TTC1: variants seen among roughly 807,000 people sequenced by gnomAD.
TTC1 encodes tetratricopeptide repeat protein 1.
TTC1 carries 31 observed loss-of-function variants against 37.6 expected under a neutral mutation model. The ratio of observed to expected loss-of-function variants is 0.82; its 90% confidence interval spans 0.62 to 1.11. The LOEUF is 1.11. TTC1 is among the 50% of genes most tolerant of loss of function. TTC1 has a pLI of 0.00. For synonymous variants in TTC1, 127 were observed against 122.4 expected (o/e 1.04, Z -0.25); for missense variants, 351 against 339.0 (o/e 1.04, Z -0.28).
chr5:160,017,180 A>G (rs896287234), intron 2 of TTC1, among the ~76,000 whole-genome samples: 2 of 152,256 alleles, frequency 1.3e-5, no homozygotes, highest in African/African-American at 4.8e-5. Flanking sequence ...GCAGCAGAAG[A>G]GAATTGCAAT....
intron 2 of TTC1, 83 bp from the exon 3 acceptor site, chr5:160,035,057 G>A (rs1179297090): frequency 8.3e-7 from 1 of 1,206,830 alleles, no homozygotes; most frequent in Non-Finnish European, 1.1e-6. Flanking sequence ...CTATTAAATA[G>A]ACTTGTGCAT....
chr5:160,055,557 C>T (rs1757522167), intron 7 of TTC1, among the ~76,000 whole-genome samples: 1 of 152,238 alleles, frequency 6.6e-6, no homozygotes, highest in Non-Finnish European at 1.5e-5. Flanking sequence ...GAGAACCTGC[C>T]AAAACCATGC....
intron 5 of TTC1, among the ~76,000 whole-genome samples, chr5:160,045,520 ACT>A (rs749296749): frequency 0.093 from 5,080 of 54,582 alleles, 252 homozygotes; most frequent in Non-Finnish European, 0.11. Context: ...ACACATACAC[ACT>A]CTCTCTCTCT....
intron 2 of TTC1, among the ~76,000 whole-genome samples, chr5:160,032,266 T>C (rs866722698): frequency 6.6e-6 from 1 of 152,206 alleles, no homozygotes; most frequent in South Asian, 2.1e-4. Context: ...GATCAGAAAA[T>C]AGCTTAAGAT....
intron 2 of TTC1, among the ~76,000 whole-genome samples, chr5:160,020,623 C>T (rs191737332): frequency 1.6e-4 from 24 of 152,314 alleles, no homozygotes; most frequent in African/African-American, 5.8e-4. Context: ...CACCTCATGT[C>T]ATATCCATGG....
Position 160,036,823 on chromosome 5 carries a change from T to C in TTC1, c.504+20T>C. 6.4e-7 allele frequency: 1 copy of C among 1,566,992 alleles called. No individual in the cohort carries two copies. Among genetic ancestry groups the C allele is most frequent in the East Asian group, 2.2e-5 (1 of 44,610 alleles). On this transcript the variant is annotated intron_variant, in intron 4 of 7. Transcript: ENST00000231238. ...AAACAGGTATGTATCTGTGACCTTT[T>C]CTTTTTAAAAAGCACATGGACTTGC... is the stretch of plus-strand genomic sequence containing the variant.
chr5:160,031,557 T>C (rs1756909503), intron 2 of TTC1, among the ~76,000 whole-genome samples: 1 of 152,106 alleles, frequency 6.6e-6, no homozygotes, highest in Non-Finnish European at 1.5e-5. Context: ...GAGGTTGCAG[T>C]GAGCCAAGAT....
chr5:160,023,758 C>A (rs1049773108), intron 2 of TTC1: 1 of 1,612,794 alleles, frequency 6.2e-7, no homozygotes, highest in African/African-American at 1.3e-5. Context: ...TCTTTTTCTT[C>A]TTCTTTGCTG....
intron 5 of TTC1, among the ~76,000 whole-genome samples, chr5:160,045,546 T>TCTCTCTCTCC (rs1554096645): frequency 7.8e-6 from 1 of 128,218 alleles, no homozygotes; most frequent in African/African-American, 3.2e-5. Flanking sequence ...TCTCTCTCTC[T>TCTCTCTCTCC]CTCTCTCCCC....
chr5:160,027,488 T>C lies in TTC1; in HGVS notation c.331-7652T>C, dbSNP rs562088832. Among the ~76,000 whole-genome samples the C allele has an allele frequency of 1.1e-3, 162 of 152,362 alleles. 1 individual carries two copies. The highest frequency in any genetic ancestry group is 1.9e-3 in the Non-Finnish European group (127 of 68,038). Reference sequence around the variant, plus strand: ...AACCACTGAGTGTCATAATTACAGCTTTTTATAATCTTTTGTCTTTTAAAG... The same window carrying C: ...AACCACTGAGTGTCATAATTACAGCCTTTTATAATCTTTTGTCTTTTAAAG... On this transcript the variant is annotated intron_variant, in intron 2 of 7. Transcript: ENST00000231238.
chr5:160,037,834 A>G (rs1357268469), intron 4 of TTC1, among the ~76,000 whole-genome samples: 1 of 151,836 alleles, frequency 6.6e-6, no homozygotes, highest in African/African-American at 2.4e-5. Context: ...ACTTACATCC[A>G]AAGTACAAAG....
At chr5:160,040,503 A>T (rs1327856677) in intron 4 of TTC1, among the ~76,000 whole-genome samples, 1 of 152,050 alleles carries the variant, frequency 6.6e-6, no homozygotes, top group Non-Finnish European at 1.5e-5. Context: ...AAACTTTTAA[A>T]TTTTTTTAAA....
chr5:160,039,324 A>G (rs569091644), intron 4 of TTC1: 2 of 147,118 alleles, frequency 1.4e-5, no homozygotes, highest in African/African-American at 5.0e-5. Context: ...TATTATATAC[A>G]TTGTTTTATA....
At chr5:160,036,247 G>T (rs1756996801) in intron 3 of TTC1, among the ~76,000 whole-genome samples, 1 of 152,170 alleles carries the variant, frequency 6.6e-6, no homozygotes, top group Non-Finnish European at 1.5e-5. Flanking sequence ...TTGACTGTAT[G>T]AAAGCACAAC....
intron 2 of TTC1, among the ~76,000 whole-genome samples, chr5:160,011,806 T>G (rs1276826788): frequency 6.6e-6 from 1 of 152,166 alleles, no homozygotes; most frequent in East Asian, 1.9e-4. Context: ...TGAACTAGAT[T>G]GTAGTTTATG....
Position 160,036,742 on chromosome 5 carries a change from C to G in TTC1, c.443C>G (p.Ser148Cys), listed in dbSNP as rs148890967. Residue 148 changes from serine (S) to cysteine (C), a missense_variant, in exon 4 of 8, where the codon TCC becomes TGC. By Grantham distance (112) the Ser-to-Cys change is moderately radical. Coordinates refer to ENST00000231238, the MANE Select transcript of TTC1 (RefSeq NM_003314.3). ...AGTCGAGCCCTCGAAATGTGCCCAT[C>G]CTGCTTCCAAAAGGAGAGGTCGATT... ...SYSRALEMCP[S>C]CFQKERSILF... is the part of the protein sequence containing the mutation. The G allele has an allele frequency of 1.4e-5, 23 of 1,613,932 alleles. No individual in the cohort carries two copies. In the South Asian group the frequency reaches 2.3e-4, roughly 16 times the overall value.
At chr5:160,016,025 TC>T (rs1389770750) in intron 2 of TTC1, among the ~76,000 whole-genome samples, 6 of 152,216 alleles carry the variant, frequency 3.9e-5, no homozygotes, top group African/African-American at 1.4e-4. Flanking sequence ...AATGTGTTCT[TC>T]CCAGAGTATT....
intron 1 of TTC1, among the ~76,000 whole-genome samples, chr5:160,010,177 G>A (rs1033530842): frequency 2.7e-5 from 4 of 147,640 alleles, no homozygotes; most frequent in African/African-American, 1.0e-4. Flanking sequence ...AGAATCGCTT[G>A]AACCCGGACG....
chr5:160,046,294 C>T lies in TTC1; in HGVS notation c.541+3125C>T, dbSNP rs573501935. On this transcript the variant is annotated intron_variant, in intron 5 of 7. Coordinates refer to ENST00000231238, the MANE Select transcript of TTC1 (RefSeq NM_003314.3). ...TCGTTGCTTCTCTAGCCTAACTTTA[C>T]TTGACCTTACCTGCATTTAATACAG... is the stretch of plus-strand genomic sequence containing the variant. Among the ~76,000 whole-genome samples the T allele has an allele frequency of 3.9e-5, 6 of 152,322 alleles. No individual in the cohort carries two copies. In the South Asian group the frequency reaches 1.2e-3, roughly 32 times the overall value.
Sources: allele counts gnomAD v4.1 joint callset (sites outside exome capture counted in the v4.1 genomes callset), GRCh38; gene constraint gnomAD v4.1.1; transcripts MANE v1.5; gene names NCBI Gene and HGNC (gene_info 2026-07-23, HGNC 2026-07-21).